ACSM2B: variants seen among roughly 807,000 people sequenced by gnomAD.
ACSM2B encodes acyl-CoA synthetase medium chain family member 2B.
Under a neutral mutation model 78.6 loss-of-function variants are expected in ACSM2B, and 58 were observed. The ratio of observed to expected loss-of-function variants is 0.74; its 90% confidence interval spans 0.60 to 0.92. ACSM2B has a LOEUF of 0.92. Among genes scored for constraint, ACSM2B ranks in the 40% least tolerant of loss-of-function variants. ACSM2B has a pLI of 0.00. For missense variants in ACSM2B, 688 were observed against 711.2 expected, an observed-to-expected ratio of 0.97 and a Z score of 0.37; for synonymous variants, 257 against 256.8, an observed-to-expected ratio of 1.00 and a Z score of -0.01.
In ACSM2B at chr16:20,551,995, G is replaced by T. The variant is rs2015324293; in HGVS notation, c.894+149C>A. On this transcript the variant is annotated intron_variant, in intron 6 of 13. Coordinates refer to ENST00000329697, the MANE Select transcript of ACSM2B (RefSeq NM_001105069.2). ...AGAACATGAGCTCTGCGAGGTCAGG[G>T]ACCATTTCCATCTCGTTTACTGAAC... 8 of 1,354,280 alleles carry T rather than the reference G, an allele frequency of 5.9e-6. No homozygotes were observed. The Admixed American group carries it at 1.8e-4, about 30-fold the overall frequency. The allele number at this position is 1,354,280 out of a possible 1,614,324, so 83.9% of individuals were successfully genotyped here.
At chr16:20,541,373 A>G (rs1336679329) in intron 12 of ACSM2B, 2 of 152,222 alleles carry the variant, frequency 1.3e-5, no homozygotes, top group Non-Finnish European at 2.9e-5. Context: ...TCCCACCTTA[A>G]TATTTTCCTA....
intron 4 of ACSM2B, among the ~76,000 whole-genome samples, chr16:20,554,932 C>T (rs146381330): frequency 5.3e-4 from 81 of 152,282 alleles, no homozygotes; most frequent in African/African-American, 1.5e-3. Context: ...CGCATGAGTG[C>T]GCAGCCCAGA....
intron 1 of ACSM2B, among the ~76,000 whole-genome samples, chr16:20,565,277 T>C (rs2015790998): frequency 6.6e-6 from 1 of 152,192 alleles, no homozygotes; most frequent in South Asian, 2.1e-4. Flanking sequence ...TCTCATTGAC[T>C]TTGGCTTGCT....
At chr16:20,567,840 A>G (rs2015974336) in intron 1 of ACSM2B, among the ~76,000 whole-genome samples, 1 of 142,298 alleles carries the variant, frequency 7.0e-6, no homozygotes, top group East Asian at 2.0e-4. Context: ...CTATACTATT[A>G]TATAATATAT....
intron 2 of ACSM2B, among the ~76,000 whole-genome samples, chr16:20,562,144 G>A (rs2015679987): frequency 6.6e-6 from 1 of 151,932 alleles, no homozygotes; most frequent in Non-Finnish European, 1.5e-5. Context: ...TATACCCAGA[G>A]TTGGAATTGC....
chr16:20,566,659 T>TA (rs374224028), intron 1 of ACSM2B, among the ~76,000 whole-genome samples: 279 of 4,816 alleles, frequency 0.058, 7 homozygotes, highest in Non-Finnish European at 0.088. Context: ...ACTATATATA[T>TA]GTATATATAG....
At position 20,555,392 on chromosome 16, in the gene ACSM2B, A is replaced by G. The variant is rs775949953; in HGVS notation, c.473T>C (p.Val158Ala). ...TTCTTGGATGACTTCATCCCCAGCA[A>G]CAATAGCCTTGGCCTTAGACATCTG... ...RLQMSKAKAI[V>A]AGDEVIQEVD... is the part of the protein sequence containing the mutation. The change falls in exon 4 of 14, where the codon GTT becomes GCT. Residue 158 changes from valine to alanine, a missense_variant. Physicochemically the swap from Val to Ala is moderately conservative, Grantham distance 64. Coordinates refer to ENST00000329697, the MANE Select transcript of ACSM2B (RefSeq NM_001105069.2). 2.5e-6 allele frequency: 4 copies of G among 1,613,948 alleles called. No homozygotes were observed. The highest frequency in any genetic ancestry group is 1.1e-5 in the South Asian group (1 of 91,072).
At chr16:20,541,002 C>T in intron 12 of ACSM2B, 2 of 428,368 alleles carry the variant, frequency 4.7e-6, no homozygotes, top group Non-Finnish European at 8.1e-6. Flanking sequence ...ACCAGGCTCA[C>T]CTCATGCTCC....
intron 2 of ACSM2B, among the ~76,000 whole-genome samples, chr16:20,563,229 A>G (rs1401163716): frequency 6.6e-6 from 1 of 152,148 alleles, no homozygotes; most frequent in Non-Finnish European, 1.5e-5. Flanking sequence ...TCTCACTTGC[A>G]TTACTCTTAT....
intron 1 of ACSM2B, chr16:20,574,514 T>G (rs2016190869): frequency 6.6e-6 from 1 of 151,968 alleles, no homozygotes; most frequent in Admixed American, 6.6e-5. Flanking sequence ...GTTCAGAGAT[T>G]GCAGTAAAGA....
intron 8 of ACSM2B, 151 bp from the exon 9 acceptor site, chr16:20,546,625 C>T: frequency 1.5e-6 from 2 of 1,306,138 alleles, no homozygotes; most frequent in Non-Finnish European, 2.0e-6. Context: ...TGGCTCTCTC[C>T]CCATTACTGG....
chr16:20,561,652 T>C (rs1177081579), intron 2 of ACSM2B, among the ~76,000 whole-genome samples: 2 of 151,984 alleles, frequency 1.3e-5, no homozygotes, highest in Non-Finnish European at 2.9e-5. Flanking sequence ...CCAATTCTCA[T>C]GTCCTTCTCA....
chr16:20,566,057 G>A (rs948212051), intron 1 of ACSM2B, among the ~76,000 whole-genome samples: 2 of 146,982 alleles, frequency 1.4e-5, no homozygotes, highest in Non-Finnish European at 3.0e-5. Context: ...TACTATATAT[G>A]ATACTATAAA....
chr16:20,555,826 T>G (rs2015457428), intron 3 of ACSM2B, among the ~76,000 whole-genome samples: 1 of 152,140 alleles, frequency 6.6e-6, no homozygotes, highest in African/African-American at 2.4e-5. Flanking sequence ...CATATGATAA[T>G]TAAAGAATCA....
intron 1 of ACSM2B, among the ~76,000 whole-genome samples, chr16:20,566,300 T>C (rs1158939049): frequency 3.7e-5 from 5 of 134,592 alleles, no homozygotes; most frequent in South Asian, 2.3e-4. Context: ...GATATATAGA[T>C]ATATAAATAT....
At chr16:20,543,336 A>G (rs1395993655) in intron 10 of ACSM2B, 74 bp from the exon 11 acceptor site, 2 of 1,607,754 alleles carry the variant, frequency 1.2e-6, no homozygotes, top group Admixed American at 3.4e-5. Context: ...GCCATGAACA[A>G]ATGCTATGAG....
chr16:20,553,705 T>C (rs2015383849), intron 5 of ACSM2B, 72 bp downstream of exon 5: 6 of 1,567,948 alleles, frequency 3.8e-6, no homozygotes, highest in Non-Finnish European at 3.5e-6. Flanking sequence ...CCCAGGAGCA[T>C]TGGATTTGAA....
chr16:20,566,147 A>C (rs995563177), intron 1 of ACSM2B, among the ~76,000 whole-genome samples: 1 of 143,948 alleles, frequency 6.9e-6, no homozygotes, highest in African/African-American at 2.5e-5. Context: ...ATTTTTGTTT[A>C]TATAATATAT....
chr16:20,560,681 A>T (rs1338048811), intron 2 of ACSM2B, among the ~76,000 whole-genome samples: 1 of 152,118 alleles, frequency 6.6e-6, no homozygotes, highest in Non-Finnish European at 1.5e-5. Flanking sequence ...TGCTATAAAG[A>T]TACCTGAAAA....
Sources: allele counts gnomAD v4.1 joint callset (sites outside exome capture counted in the v4.1 genomes callset), GRCh38; gene constraint gnomAD v4.1.1; transcripts MANE v1.5; gene names NCBI Gene and HGNC (gene_info 2026-07-23, HGNC 2026-07-21).